Variants in TOP2B observed in about 807,000 individuals in gnomAD.
TOP2B encodes DNA topoisomerase II beta, also known as DNA topoisomerase 2-beta.
TOP2B carries 51 observed loss-of-function variants against 193.5 expected under a neutral mutation model. The ratio of observed to expected loss-of-function variants is 0.26; its 90% CI spans 0.21 to 0.33. The LOEUF (loss-of-function observed/expected upper bound fraction) is 0.33, where lower values mean the gene tolerates loss of function less well. TOP2B is among the 10% of genes least tolerant of loss of function. TOP2B has a pLI of 1.00. For missense variants in TOP2B, 1,378 were observed against 1,909.3 expected, an observed-to-expected ratio of 0.72 and a Z score of 5.19; for synonymous variants, 634 against 635.7, an observed-to-expected ratio of 1.00 and a Z score of 0.04.
At chr3:25,642,768 T>G (rs903985717) in intron 3 of TOP2B, among the ~76,000 whole-genome samples, 1 of 152,194 alleles carries the variant, frequency 6.6e-6, no homozygotes, top group Non-Finnish European at 1.5e-5. Flanking sequence ...TCACTTTCAA[T>G]AAACTAGTGA....
chr3:25,602,417 A>AAAAAAAG (rs1702123574), intron 33 of TOP2B, among the ~76,000 whole-genome samples: 3 of 69,826 alleles, frequency 4.3e-5, no homozygotes, highest in African/African-American at 7.8e-5. Flanking sequence ...AAAGAAAAAG[A>AAAAAAAG]AAAAAAAAAA....
chr3:25,598,536 A>C, intron 35 of TOP2B, 59 bp from the exon 36 acceptor site: 2 of 1,339,160 alleles, frequency 1.5e-6, no homozygotes, highest in Non-Finnish European at 2.0e-6. Context: ...TAGTATTAAG[A>C]ACTATCACTC....
At chr3:25,660,855 T>G (rs1703889709) in intron 1 of TOP2B, among the ~76,000 whole-genome samples, 1 of 152,194 alleles carries the variant, frequency 6.6e-6, no homozygotes, top group African/African-American at 2.4e-5. Flanking sequence ...AACTACAATG[T>G]TATTTGTGGT....
chr3:25,646,712 A>G (rs906282525), intron 1 of TOP2B, among the ~76,000 whole-genome samples: 22 of 152,214 alleles, frequency 1.4e-4, no homozygotes, highest in Admixed American at 7.2e-4. Flanking sequence ...TTGTGCATTT[A>G]AACAAGCAGT....
At chr3:25,623,424 T>A (rs1474892263) in intron 21 of TOP2B, 91 bp downstream of exon 21, 1 of 1,188,484 alleles carries the variant, frequency 8.4e-7, no homozygotes, top group African/African-American at 1.5e-5. Context: ...TGTTCTAAAA[T>A]AAAAATGTTC....
At chr3:25,647,196 T>C (rs57518080) in intron 1 of TOP2B, among the ~76,000 whole-genome samples, 6,039 of 152,262 alleles carry the variant, frequency 0.04, 377 homozygotes, top group African/African-American at 0.13. Flanking sequence ...TATGAAGAAA[T>C]AGTTGATTGA....
rs1704027111 is a variant in TOP2B at position 25,664,435 on chromosome 3, C to CT, written c.-139_-138insA. 2 of 1,262,456 alleles carry CT rather than the reference C, an allele frequency of 1.6e-6. No individual in the cohort carries two copies. Among genetic ancestry groups the CT allele is most frequent in the Admixed American group, 4.4e-5 (1 of 22,930 alleles). 78.2% of individuals were successfully genotyped at this position (1,262,456 alleles called of 1,614,324 possible). On this transcript the variant is annotated 5_prime_UTR_variant, in exon 1 of 36. Coordinates refer to ENST00000264331, the MANE Select transcript of TOP2B (RefSeq NM_001330700.2). ...CCGCGCCGACCCCCGCGCCCCATCG[C>CT]GAAGATCCGGAGCGGACGTCCAGCC...
chr3:25,653,098 A>G (rs1703641171), intron 1 of TOP2B, among the ~76,000 whole-genome samples: 1 of 152,196 alleles, frequency 6.6e-6, no homozygotes, highest in Non-Finnish European at 1.5e-5. Context: ...TGAATAAAAA[A>G]TCTCAACAGC....
intron 18 of TOP2B, among the ~76,000 whole-genome samples, chr3:25,626,344 T>G (rs1443320141): frequency 6.6e-6 from 1 of 152,066 alleles, no homozygotes; most frequent in East Asian, 1.9e-4. Flanking sequence ...CGGAAAAGGT[T>G]TAAAAGTTTC....
At position 25,598,145 on chromosome 3, in the gene TOP2B, T is replaced by A; in HGVS notation, c.*162A>T. The A allele has an allele frequency of 1.5e-6, 1 of 661,892 alleles. No individual in the cohort carries two copies. Among genetic ancestry groups the A allele is most frequent in the East Asian group, 2.9e-5 (1 of 35,046 alleles). 41.0% of individuals were successfully genotyped at this position (661,892 alleles called of 1,614,324 possible). Reference sequence around the variant, plus strand: ...CAATGAGTAAAAAAGAGCATAAAACTGTATGTGTAAGAACAAAATGTTAAA... The same window carrying A: ...CAATGAGTAAAAAAGAGCATAAAACAGTATGTGTAAGAACAAAATGTTAAA... On this transcript the variant is annotated 3_prime_UTR_variant, in exon 36 of 36. Coordinates refer to ENST00000264331, the MANE Select transcript of TOP2B (RefSeq NM_001330700.2).
intron 8 of TOP2B, among the ~76,000 whole-genome samples, chr3:25,633,488 A>G (rs1703018341): frequency 6.6e-6 from 1 of 152,068 alleles, no homozygotes; most frequent in Admixed American, 6.6e-5. Flanking sequence ...GCTTTATCAC[A>G]TAGCCATAAT....
At chr3:25,626,977 AT>A in intron 16 of TOP2B, 113 bp from the exon 17 acceptor site, 3 of 730,302 alleles carry the variant, frequency 4.1e-6, no homozygotes, top group Non-Finnish European at 6.6e-6. Context: ...AAATTAGGTT[AT>A]TTTACAATAT....
chr3:25,610,726 T>C (rs1199886743), intron 28 of TOP2B, among the ~76,000 whole-genome samples: 2 of 152,184 alleles, frequency 1.3e-5, no homozygotes, highest in East Asian at 3.8e-4. Flanking sequence ...AGACTGACTT[T>C]TTAGAATTTT....
At chr3:25,618,218 G>GC (rs1335731377) in intron 25 of TOP2B, 200 bp downstream of exon 25, 1 of 531,894 alleles carries the variant, frequency 1.9e-6, no homozygotes, top group African/African-American at 1.9e-5. Flanking sequence ...AGTCACACTG[G>GC]CCAAGTGCTT....
intron 1 of TOP2B, among the ~76,000 whole-genome samples, chr3:25,658,844 C>T (rs1057278806): frequency 1.3e-5 from 2 of 152,028 alleles, no homozygotes; most frequent in Non-Finnish European, 2.9e-5. Flanking sequence ...GATCATTCTG[C>T]AAAACAAAAC....
At chr3:25,600,954 C>G (rs1309658818) in intron 34 of TOP2B, 146 bp downstream of exon 34, 10 of 769,360 alleles carry the variant, frequency 1.3e-5, no homozygotes, top group Non-Finnish European at 2.0e-5. Context: ...ATATTCAGCA[C>G]TGATTCCTAG....
intron 1 of TOP2B, among the ~76,000 whole-genome samples, chr3:25,654,880 TG>T (rs1263751313): frequency 7.9e-5 from 12 of 152,158 alleles, no homozygotes; most frequent in Admixed American, 7.9e-4. Context: ...AGAATGAAGT[TG>T]GACTCTCATG....
At position 25,637,330 on chromosome 3, in the gene TOP2B, T is replaced by A. The variant is rs372063024; in HGVS notation, c.542-18A>T. The A allele has an allele frequency of 3.2e-5, 49 of 1,518,534 alleles. No individual in the cohort carries two copies. The highest frequency in any genetic ancestry group is 4.4e-5 in the Non-Finnish European group (49 of 1,122,538). 94.1% of individuals were successfully genotyped at this position (1,518,534 alleles called of 1,614,324 possible). A position where few individuals can be genotyped will look rare whatever the true frequency, so the allele number is the denominator to read the frequency against. On this transcript the variant is annotated intron_variant, in intron 5 of 35. Transcript: ENST00000264331. Reference sequence around the variant, plus strand: ...ACGACCACCTGTAAGAAAAATTAAATGTAAAAGGTTTAGTAAAAATGATTT... The same window carrying A: ...ACGACCACCTGTAAGAAAAATTAAAAGTAAAAGGTTTAGTAAAAATGATTT...
At chr3:25,615,378 A>G (rs1702476924) in intron 26 of TOP2B, 53 bp downstream of exon 26, 1 of 1,540,670 alleles carries the variant, frequency 6.5e-7, no homozygotes, top group African/African-American at 1.4e-5. Flanking sequence ...AAAGAAAAAG[A>G]TACAGATAAC....
Sources: allele counts gnomAD v4.1 joint callset (sites outside exome capture counted in the v4.1 genomes callset), GRCh38; gene constraint gnomAD v4.1.1; transcripts MANE v1.5; gene names NCBI Gene and HGNC (gene_info 2026-07-23, HGNC 2026-07-21).